MKLN1: variants seen among roughly 807,000 people sequenced by gnomAD.
MKLN1 encodes muskelin.
MKLN1 carries 18 observed loss-of-function variants against 99.0 expected under a neutral mutation model. That is an observed-to-expected ratio of 0.18 (90% confidence interval 0.13 to 0.27). The LOEUF (loss-of-function observed/expected upper bound fraction) is 0.27. Ranked by LOEUF, MKLN1 falls within the 10% of genes least tolerant of loss-of-function variation. The pLI, the probability that MKLN1 is intolerant of heterozygous loss-of-function variation, is 1.00. For missense variants in MKLN1, 621 were observed against 875.9 expected (o/e 0.71, Z 3.67); for synonymous variants, 288 against 293.2 (o/e 0.98, Z 0.18).
At chr7:131,454,158 C>T (rs945614708) in intron 12 of MKLN1, among the ~76,000 whole-genome samples, 2 of 151,076 alleles carry the variant, frequency 1.3e-5, no homozygotes, top group African/African-American at 4.9e-5. Context: ...TTTTCCTACT[C>T]ATATACTTTT....
rs984259650 is a variant in MKLN1, at chr7:131,489,664, A to T, written c.*1936A>T. ...TTCTGGCACTTTAAAAAGATTAAGC[A>T]AGTGAAATTCTGCTGCCCTCCACCA... is the stretch of plus-strand genomic sequence containing the variant. On this transcript the variant is annotated 3_prime_UTR_variant, in exon 18 of 18. Transcript: ENST00000352689. 1 of 152,158 alleles carries T rather than the reference A, an allele frequency of 6.6e-6. No homozygotes were observed. The highest frequency in any genetic ancestry group is 1.5e-5 in the Non-Finnish European group (1 of 68,008). 9.4% of individuals were successfully genotyped at this position (152,158 alleles called of 1,614,324 possible).
At chr7:131,126,136 C>T (rs1014127180) in intron 1 of MKLN1, among the ~76,000 whole-genome samples, 4 of 151,708 alleles carry the variant, frequency 2.6e-5, no homozygotes, top group Non-Finnish European at 5.9e-5. Context: ...TAAGCTTGTA[C>T]GTTTGAAGGA....
At chr7:131,256,965 T>C (rs1161776096) in intron 3 of MKLN1, among the ~76,000 whole-genome samples, 2 of 152,146 alleles carry the variant, frequency 1.3e-5, no homozygotes, top group African/African-American at 4.8e-5. Flanking sequence ...AATAAAAAAA[T>C]ACAATTAAAA....
At chr7:131,466,211 C>T in intron 14 of MKLN1, 65 bp from the exon 15 acceptor site, 1 of 1,238,778 alleles carries the variant, frequency 8.1e-7, no homozygotes, top group Non-Finnish European at 1.1e-6. Flanking sequence ...CTGTTATGCA[C>T]TGCTACTAGA....
chr7:131,480,434 A>G (rs1017947090), intron 17 of MKLN1, among the ~76,000 whole-genome samples: 1 of 152,218 alleles, frequency 6.6e-6, no homozygotes, highest in African/African-American at 2.4e-5. Context: ...CACTGGGATG[A>G]AAAAATAGAG....
At chr7:131,253,621 C>A (rs1262847551) in intron 3 of MKLN1, among the ~76,000 whole-genome samples, 1 of 152,186 alleles carries the variant, frequency 6.6e-6, no homozygotes, top group Admixed American at 6.5e-5. Context: ...GAAACAGAAT[C>A]ATCACTCCAA....
At chr7:131,182,714 C>A (rs1037109223) in intron 2 of MKLN1, among the ~76,000 whole-genome samples, 1 of 151,920 alleles carries the variant, frequency 6.6e-6, no homozygotes, top group Non-Finnish European at 1.5e-5. Flanking sequence ...TGAAATTCCC[C>A]ATTATACTGC....
At position 131,437,858 on chromosome 7, in the gene MKLN1, G is replaced by T. The variant is rs748631038; in HGVS notation, c.1034G>T (p.Arg345Leu). The T allele has an allele frequency of 6.2e-7, 1 of 1,613,746 alleles. No homozygotes were observed. Among genetic ancestry groups the T allele is most frequent in the East Asian group, 2.2e-5 (1 of 44,862 alleles). The change falls in exon 10 of 18, where the codon CGT (arginine) becomes CTT (leucine). Residue 345 changes from arginine (R) to leucine (L), a missense_variant. Arg to Leu is a moderately radical substitution (Grantham distance 102, BLOSUM62 -2). Around this residue, in one of 8 missense-constraint regions of MKLN1, gnomAD observed 361 missense variants for 540.8 expected, o/e 0.67. Coordinates refer to ENST00000352689, the MANE Select transcript of MKLN1 (RefSeq NM_013255.5). ...CGGAGGCAAATCTACACATTGGGGC[G>T]TTACTTGGATTCCTCTGTGAGGAAC... ...IQRRQIYTLG[R>L]YLDSSVRNSK...
intron 12 of MKLN1, among the ~76,000 whole-genome samples, chr7:131,452,389 A>AG (rs1563356095): frequency 6.6e-6 from 1 of 152,168 alleles, no homozygotes; most frequent in African/African-American, 2.4e-5. Context: ...TTACATCTAC[A>AG]GAACTTGATT....
At chr7:131,261,237 A>G (rs567960880) in intron 3 of MKLN1, among the ~76,000 whole-genome samples, 1 of 152,350 alleles carries the variant, frequency 6.6e-6, no homozygotes, top group Non-Finnish European at 1.5e-5. Flanking sequence ...GTATTTGCAA[A>G]CTATGCATCC....
chr7:131,319,458 C>G (rs1798731478), intron 3 of MKLN1, among the ~76,000 whole-genome samples: 1 of 152,108 alleles, frequency 6.6e-6, no homozygotes, highest in Non-Finnish European at 1.5e-5. Flanking sequence ...ATATTAAGAG[C>G]TATTTATGAC....
chr7:131,329,150 T>C (rs1429525934), intron 1 of MKLN1, among the ~76,000 whole-genome samples: 1 of 152,266 alleles, frequency 6.6e-6, no homozygotes, highest in Non-Finnish European at 1.5e-5. Flanking sequence ...TCCATCTGTA[T>C]TTGAGAAATT....
intron 3 of MKLN1, among the ~76,000 whole-genome samples, chr7:131,241,376 TAAA>T (rs77231529): frequency 1.6e-5 from 2 of 125,384 alleles, no homozygotes. Context: ...AGACTCTGTC[TAAA>T]AAAAAAAAAA....
rs540753572 is a variant in MKLN1, at chr7:131,225,617, T to G, written c.-179+22643T>G. Among the ~76,000 whole-genome samples, 4 of 152,322 alleles carry G rather than the reference T, an allele frequency of 2.6e-5. No homozygotes were observed. In the South Asian group the frequency reaches 8.3e-4, roughly 32 times the overall value. ...TTTGTCCTTAGGATTCAGCAAATTC[T>G]AAGACCCAGATCAGGGCATGCTAAC... On this transcript the variant is annotated intron_variant, in intron 3 of 7. Coordinates refer to the MKLN1 transcript ENST00000416992.
chr7:131,469,247 C>T (rs907511628), intron 15 of MKLN1, among the ~76,000 whole-genome samples: 25 of 152,092 alleles, frequency 1.6e-4, no homozygotes, highest in Non-Finnish European at 3.4e-4. Context: ...GACGGACGGA[C>T]GGACAGACAG....
chr7:131,389,484 G>A (rs1031521585), intron 4 of MKLN1, among the ~76,000 whole-genome samples: 8 of 151,634 alleles, frequency 5.3e-5, no homozygotes, highest in Admixed American at 3.9e-4. Flanking sequence ...TTAAATGCTG[G>A]TCAAACCCAT....
At chr7:131,345,026 G>A (rs981352170) in intron 1 of MKLN1, among the ~76,000 whole-genome samples, 24 of 152,180 alleles carry the variant, frequency 1.6e-4, no homozygotes, top group South Asian at 6.2e-4. Flanking sequence ...GGCTGGTCTC[G>A]AACTCCTGAC....
intron 3 of MKLN1, among the ~76,000 whole-genome samples, chr7:131,211,862 A>G (rs1215600984): frequency 6.6e-6 from 1 of 152,216 alleles, no homozygotes; most frequent in East Asian, 1.9e-4. Context: ...ATTGGTTAAT[A>G]GAAAGACTCC....
chr7:131,364,066 C>T (rs892024297), intron 1 of MKLN1, among the ~76,000 whole-genome samples: 22 of 152,012 alleles, frequency 1.4e-4, no homozygotes, highest in African/African-American at 5.3e-4. Context: ...GTCTAAACCT[C>T]TGCAGTATAT....
Sources: allele counts gnomAD v4.1 joint callset (sites outside exome capture counted in the v4.1 genomes callset), GRCh38; gene constraint gnomAD v4.1.1; regional missense constraint gnomAD v4.1.1; transcripts MANE v1.5; gene names NCBI Gene and HGNC (gene_info 2026-07-23, HGNC 2026-07-21).